GSR: variants seen among roughly 807,000 people sequenced by gnomAD.
GSR encodes the protein glutathione reductase, mitochondrial.
Under a neutral mutation model 56.5 loss-of-function variants are expected in GSR, and 48 were observed. The ratio of observed to expected loss-of-function variants is 0.85; its 90% confidence interval spans 0.67 to 1.08. The LOEUF (loss-of-function observed/expected upper bound fraction) is 1.08, where lower values mean the gene tolerates loss of function less well. GSR is among the 50% of genes least tolerant of loss of function. The pLI, the probability that GSR is intolerant of heterozygous loss-of-function variation, is 0.00. For missense variants in GSR, 694 were observed against 703.3 expected (o/e 0.99, Z 0.15); for synonymous variants, 264 against 270.8 (o/e 0.97, Z 0.25).
chr8:30,724,415 C>T (rs1165740466), intron 1 of GSR, among the ~76,000 whole-genome samples: 1 of 152,060 alleles, frequency 6.6e-6, no homozygotes, highest in Non-Finnish European at 1.5e-5. Context: ...AGCTTCTCAT[C>T]TCTTATTTCT....
intron 4 of GSR, among the ~76,000 whole-genome samples, 164 bp downstream of exon 4, chr8:30,707,908 G>A (rs1803969604): frequency 1.3e-5 from 2 of 151,016 alleles, no homozygotes; most frequent in Admixed American, 6.6e-5. Context: ...AGTGAGCCGA[G>A]ATTGCGCCCC....
intron 9 of GSR, 48 bp downstream of exon 9, chr8:30,689,113 G>C: frequency 6.4e-7 from 1 of 1,569,686 alleles, no homozygotes; most frequent in Non-Finnish European, 8.8e-7. Context: ...AAAACCATAA[G>C]ACTCCTAGTA....
chr8:30,703,375 T>C (rs1228597662), intron 4 of GSR, 135 bp from the exon 5 acceptor site: 4 of 871,380 alleles, frequency 4.6e-6, no homozygotes, highest in Non-Finnish European at 7.5e-6. Context: ...TTCTCCGTTT[T>C]TCAAGTTTCT....
intron 4 of GSR, among the ~76,000 whole-genome samples, chr8:30,706,143 T>G (rs2738975): frequency 2.6e-5 from 4 of 151,530 alleles, no homozygotes; most frequent in Non-Finnish European, 2.9e-5. Flanking sequence ...GCCACTGCAC[T>G]TCAGCCTGGG....
At chr8:30,710,744 A>T (rs1804108420) in intron 2 of GSR, among the ~76,000 whole-genome samples, 1 of 102,382 alleles carries the variant, frequency 9.8e-6, no homozygotes, top group African/African-American at 4.1e-5. Flanking sequence ...AAAAAAAAAA[A>T]AGAAAAGAAA....
chr8:30,709,923 AAG>A, intron 2 of GSR, 21 bp from the exon 3 acceptor site: 2 of 1,317,324 alleles, frequency 1.5e-6, no homozygotes, highest in Non-Finnish European at 2.2e-6. Flanking sequence ...AAAAAAAAAA[AAG>A]GATCCAAAAC....
Position 30,696,250 on chromosome 8 carries a change from CA to C in GSR, c.795+129del, listed in dbSNP as rs2128742436. 7 of 754,224 alleles carry C rather than the reference CA, an allele frequency of 9.3e-6. No homozygotes were observed. In the South Asian group the frequency reaches 9.8e-5, roughly 11 times the overall value. The allele number at this position is 754,224 out of a possible 1,614,324, so 46.7% of individuals were successfully genotyped here. On this transcript the variant is annotated intron_variant, in intron 7 of 12. Coordinates refer to ENST00000221130, the MANE Select transcript of GSR (RefSeq NM_000637.5). ...CCAAATTCAGGTAACTTGGATACAG[CA>C]CCATATGAAACCAACCAAATGACCC... is the stretch of plus-strand genomic sequence containing the variant.
chr8:30,688,327 C>T (rs367822766), intron 9 of GSR, among the ~76,000 whole-genome samples: 3 of 152,218 alleles, frequency 2.0e-5, no homozygotes, highest in African/African-American at 4.8e-5. Flanking sequence ...GTTTATAATC[C>T]GAGCACTTTG....
chr8:30,712,143 C>T (rs958650618), intron 1 of GSR, 55 bp from the exon 2 acceptor site: 30 of 960,512 alleles, frequency 3.1e-5, no homozygotes, highest in African/African-American at 6.6e-5. Flanking sequence ...AACCATCAAA[C>T]GAAATCTGCA....
intron 1 of GSR, among the ~76,000 whole-genome samples, chr8:30,725,408 AC>A (rs1804692041): frequency 6.6e-6 from 1 of 151,664 alleles, no homozygotes; most frequent in Non-Finnish European, 1.5e-5. Flanking sequence ...TACTAAAAAT[AC>A]AAAAGTTAGC....
Position 30,681,011 on chromosome 8 carries a change from C to G in GSR, c.1312G>C (p.Glu438Gln). ...EDEAIHKYGI[E>Q]NVKTYSTSFT... Reference sequence around the variant, plus strand: ...CTCGTTGAATAGGTCTTCACATTTTCTATTCCATATTTATGAATGGCTTCA... The same window carrying G: ...CTCGTTGAATAGGTCTTCACATTTTGTATTCCATATTTATGAATGGCTTCA... The change falls in exon 12 of 13, where the codon GAA becomes CAA. Residue 438 changes from glutamate (E) to glutamine (Q), a missense_variant. Glu to Gln is a conservative substitution (Grantham distance 29). Transcript: ENST00000221130. The G allele has an allele frequency of 6.2e-7, 1 of 1,610,810 alleles. No homozygotes were observed. The highest frequency in any genetic ancestry group is 8.5e-7 in the Non-Finnish European group (1 of 1,177,196).
At chr8:30,689,089 T>G in intron 9 of GSR, 72 bp downstream of exon 9, 2 of 1,393,780 alleles carry the variant, frequency 1.4e-6, no homozygotes, top group Non-Finnish European at 1.0e-6. Flanking sequence ...GTTTTGGGTG[T>G]CTGGGGGGAA....
At chr8:30,718,609 T>C (rs1804422159) in intron 1 of GSR, among the ~76,000 whole-genome samples, 1 of 152,098 alleles carries the variant, frequency 6.6e-6, no homozygotes, top group African/African-American at 2.4e-5. Context: ...CAAAGGAAGT[T>C]TGCCTCCCAG....
intron 2 of GSR, 152 bp downstream of exon 2, chr8:30,711,910 A>T: frequency 2.4e-6 from 1 of 418,992 alleles, no homozygotes; most frequent in Non-Finnish European, 4.4e-6. Flanking sequence ...TCAAACAAAA[A>T]CAATCCTATT....
chr8:30,696,596 G>T (rs1803552279), intron 6 of GSR, 117 bp from the exon 7 acceptor site: 1 of 738,778 alleles, frequency 1.4e-6, no homozygotes, highest in African/African-American at 1.7e-5. Context: ...CCCTTGATCA[G>T]TTTTCCCTAA....
chr8:30,695,756 C>A (rs1024590832), intron 7 of GSR, among the ~76,000 whole-genome samples: 1 of 151,986 alleles, frequency 6.6e-6, no homozygotes, highest in East Asian at 1.9e-4. Flanking sequence ...ATAAATTAAC[C>A]TGGCGGGGCT....
intron 1 of GSR, among the ~76,000 whole-genome samples, chr8:30,712,546 T>G (rs1191984339): frequency 6.6e-6 from 1 of 152,072 alleles, no homozygotes; most frequent in African/African-American, 2.4e-5. Flanking sequence ...TGGTGGTGCA[T>G]GCCTGTGGTC....
chr8:30,711,596 C>T (rs1360603938), intron 2 of GSR, among the ~76,000 whole-genome samples: 1 of 152,146 alleles, frequency 6.6e-6, no homozygotes, highest in East Asian at 1.9e-4. Context: ...TTTTGGGAGG[C>T]TGAGGTGGGC....
chr8:30,705,642 G>C (rs1311159359), intron 4 of GSR, among the ~76,000 whole-genome samples: 1 of 152,160 alleles, frequency 6.6e-6, no homozygotes, highest in Non-Finnish European at 1.5e-5. Flanking sequence ...TGAGGTGGGA[G>C]GATTGCTTGA....
Sources: allele counts gnomAD v4.1 joint callset (sites outside exome capture counted in the v4.1 genomes callset), GRCh38; gene constraint gnomAD v4.1.1; transcripts MANE v1.5; gene names NCBI Gene and HGNC (gene_info 2026-07-23, HGNC 2026-07-21).